Variants in ZNF438 observed in about 807,000 individuals in gnomAD.
The protein encoded by ZNF438 is zinc finger protein 438.
ZNF438 carries 25 observed loss-of-function variants against 38.0 expected under a neutral mutation model. The observed-to-expected ratio is 0.66, with a 90% CI of 0.48 to 0.92. ZNF438 has a LOEUF of 0.92. Among genes scored for constraint, ZNF438 ranks in the 40% least tolerant of loss-of-function variants. The probability of loss-of-function intolerance (pLI) is 0.00; values close to 1 mark genes in which losing one functional copy is unlikely to be tolerated. For synonymous variants in ZNF438, 372 were observed against 364.1 expected, an observed-to-expected ratio of 1.02 and a Z score of -0.25; for missense variants, 1,007 against 999.6, an observed-to-expected ratio of 1.01 and a Z score of -0.10.
chr10:30,857,789 T>C, intron 4 of ZNF438: 1 of 1,403,258 alleles, frequency 7.1e-7, no homozygotes, highest in African/African-American at 1.4e-5. Flanking sequence ...CTGATGGATA[T>C]CATTTACATG....
chr10:31,019,588 T>C lies in ZNF438; in HGVS notation c.-192+12245A>G, dbSNP rs112888082. 8.9e-3 allele frequency among the ~76,000 whole-genome samples: 1,339 copies of C among 151,090 alleles called. 19 individuals carry two copies. The highest frequency in any genetic ancestry group is 0.031 in the African/African-American group (1,273 of 41,076). The stretch of plus-strand genomic sequence containing the variant: ...AAATCCAGTGTATGCCAAGAACTGC[T>C]GCAAAAACAACAACCAAAAGATAGA... On this transcript the variant is annotated intron_variant, in intron 1 of 5. Coordinates refer to ENST00000413025, the Ensembl canonical transcript of ZNF438.
intron 1 of ZNF438, among the ~76,000 whole-genome samples, chr10:30,979,696 G>A (rs1016416324): frequency 2.6e-5 from 4 of 152,122 alleles, no homozygotes; most frequent in Non-Finnish European, 5.9e-5. Context: ...TTAATTTTCT[G>A]TCTCATTGAT....
intron 1 of ZNF438, among the ~76,000 whole-genome samples, chr10:30,946,363 C>G (rs182811573): frequency 8.9e-4 from 135 of 152,110 alleles, no homozygotes; most frequent in African/African-American, 3.1e-3. Context: ...TTAAACTAAA[C>G]AGCTTCTGCA....
rs1476160577 is a variant in ZNF438 at position 30,866,994 on chromosome 10, TTAAGTA to T, written c.37+9998_37+10003del. 5.3e-5 allele frequency among the ~76,000 whole-genome samples: 8 copies of T among 152,328 alleles called. No individual in the cohort carries two copies. The South Asian group carries it at 1.2e-3, about 24-fold the overall frequency. On this transcript the variant is annotated intron_variant, in intron 4 of 5. Coordinates refer to ENST00000413025, the Ensembl canonical transcript of ZNF438. ...TTACATGCGTGGATAAAAGAATCAC[TTAAGTA>T]TGAGACTCAAAATCTAATAGAATAC...
intron 3 of ZNF438, among the ~76,000 whole-genome samples, chr10:30,893,017 G>T (rs1341174870): frequency 6.6e-6 from 1 of 152,176 alleles, no homozygotes; most frequent in East Asian, 1.9e-4. Flanking sequence ...TAACACGTGG[G>T]AAGTCTATCT....
At chr10:30,862,836 A>G (rs1452262887) in intron 4 of ZNF438, among the ~76,000 whole-genome samples, 1 of 152,234 alleles carries the variant, frequency 6.6e-6, no homozygotes. Context: ...AAAGATCACA[A>G]TGTTTCAAAA....
chr10:31,006,849 A>T lies in ZNF438; in HGVS notation c.-192+24984T>A, dbSNP rs559547508. 3.0e-4 allele frequency among the ~76,000 whole-genome samples: 46 copies of T among 152,224 alleles called. No individual in the cohort carries two copies. In the South Asian group the frequency reaches 8.5e-3, roughly 28 times the overall value. The stretch of plus-strand genomic sequence containing the variant: ...TGATTGCTGTTGGCTAATAGAAAAA[A>T]AAAAACCATTTTGAGTGTGTTTTTT... On this transcript the variant is annotated intron_variant, in intron 1 of 5. Transcript: ENST00000413025.
At position 30,846,748 on chromosome 10, in the gene ZNF438, C is replaced by T. The variant is rs569555935; in HGVS notation, c.1875-1175G>A. ...CCTCCCAGGCATCACTGTAGCTACCCTGCTGTGGCTGCAGATCCAGGCATC... is the reference window on the plus strand; with the variant it reads ...CCTCCCAGGCATCACTGTAGCTACCTTGCTGTGGCTGCAGATCCAGGCATC... On this transcript the variant is annotated intron_variant, in intron 5 of 5. Transcript: ENST00000413025. Among the ~76,000 whole-genome samples the T allele has an allele frequency of 3.9e-5, 6 of 152,304 alleles. No individual in the cohort carries two copies. In the South Asian group the frequency reaches 1.2e-3, roughly 32 times the overall value.
Position 30,962,734 on chromosome 10 carries a change from C to T in ZNF438, c.-191-21083G>A, listed in dbSNP as rs946145732. On this transcript the variant is annotated intron_variant, in intron 1 of 5. Transcript: ENST00000413025. ...TTCCGGCTCATTGTCACACTGGCAG[C>T]AATTCATACAGCTGAACAACTGTGG... 2.3e-5 allele frequency among the ~76,000 whole-genome samples: 3 copies of T among 130,664 alleles called. 1 individual carries two copies. The highest frequency in any genetic ancestry group is 5.6e-5 in the Non-Finnish European group (3 of 53,924). 85.7% of individuals were successfully genotyped at this position (130,664 alleles called of 152,430 possible).
intron 3 of ZNF438, among the ~76,000 whole-genome samples, chr10:30,887,481 C>T (rs1461262034): frequency 8.5e-6 from 1 of 117,028 alleles, no homozygotes; most frequent in Non-Finnish European, 2.2e-5. Context: ...CTCCGGCTCC[C>T]GGGTTCAAGC....
intron 1 of ZNF438, among the ~76,000 whole-genome samples, chr10:31,018,849 T>C (rs2056393323): frequency 1.3e-5 from 2 of 152,060 alleles, no homozygotes; most frequent in Non-Finnish European, 2.9e-5. Context: ...GCTGCTGCTT[T>C]CAGTTAGGGG....
At chr10:30,973,948 C>T (rs1037615065) in intron 1 of ZNF438, among the ~76,000 whole-genome samples, 1 of 152,204 alleles carries the variant, frequency 6.6e-6, no homozygotes, top group East Asian at 1.9e-4. Flanking sequence ...AGGGCAGCAT[C>T]GTGTTACTGC....
At chr10:30,860,664 C>T (rs2035423711) in intron 4 of ZNF438, among the ~76,000 whole-genome samples, 1 of 152,220 alleles carries the variant, frequency 6.6e-6, no homozygotes, top group Non-Finnish European at 1.5e-5. Context: ...CTCCCACTTG[C>T]CCTTCTGTAA....
chr10:30,963,347 G>T (rs1333108579), intron 1 of ZNF438, among the ~76,000 whole-genome samples: 1 of 137,708 alleles, frequency 7.3e-6, no homozygotes, highest in Non-Finnish European at 1.5e-5. Flanking sequence ...AGCCGAGATC[G>T]TGATACTGCA....
At chr10:30,868,661 A>C (rs932990826) in intron 4 of ZNF438, among the ~76,000 whole-genome samples, 1 of 152,236 alleles carries the variant, frequency 6.6e-6, no homozygotes, top group Admixed American at 6.5e-5. Context: ...ACCCCTGTCA[A>C]ACTACTTTGC....
At chr10:30,936,614 C>T (rs935923088) in intron 2 of ZNF438, among the ~76,000 whole-genome samples, 3 of 152,106 alleles carry the variant, frequency 2.0e-5, no homozygotes, top group Non-Finnish European at 2.9e-5. Flanking sequence ...GCGGAGGTTA[C>T]AATGAGCTGA....
chr10:30,971,254 T>C (rs2050706190), intron 1 of ZNF438, among the ~76,000 whole-genome samples: 1 of 152,198 alleles, frequency 6.6e-6, no homozygotes, highest in Non-Finnish European at 1.5e-5. Context: ...CCCGCCTAGC[T>C]CATAGTAACT....
chr10:30,844,787 G>T, exon 6 of ZNF438: 1 of 793,826 alleles, frequency 1.3e-6, no homozygotes, highest in Non-Finnish European at 2.0e-6. Context: ...AATATGCTTC[G>T]AGAGCTTATA....
At chr10:30,896,622 G>A (rs896644770) in intron 3 of ZNF438, among the ~76,000 whole-genome samples, 2 of 152,086 alleles carry the variant, frequency 1.3e-5, no homozygotes, top group African/African-American at 2.4e-5. Flanking sequence ...AAGATAGACA[G>A]CAGAATAGTG....
Sources: allele counts gnomAD v4.1 joint callset (sites outside exome capture counted in the v4.1 genomes callset), GRCh38; gene constraint gnomAD v4.1.1; transcripts MANE v1.5; gene names NCBI Gene and HGNC (gene_info 2026-07-23, HGNC 2026-07-21).